The following NR3C2 variants were observed in gnomAD, a reference collection of about 807,000 sequenced individuals.
NR3C2 encodes nuclear receptor subfamily 3 group C member 2, also known as mineralocorticoid receptor.
NR3C2 carries 15 observed loss-of-function variants against 86.4 expected under a neutral mutation model. The ratio of observed to expected loss-of-function variants is 0.17; its 90% CI spans 0.12 to 0.27. NR3C2 has a LOEUF of 0.27. Ranked by LOEUF, NR3C2 falls within the 10% of genes least tolerant of loss-of-function variation. NR3C2 has a pLI of 1.00. For synonymous variants in NR3C2, 458 were observed against 450.5 expected (o/e 1.02, Z -0.21); for missense variants, 960 against 1,195.6 (o/e 0.80, Z 2.91).
intron 2 of NR3C2, among the ~76,000 whole-genome samples, chr4:148,277,495 T>A (rs1357665431): frequency 6.6e-6 from 1 of 152,106 alleles, no homozygotes; most frequent in African/African-American, 2.4e-5. Context: ...GCATGAGGAT[T>A]GCTTGAGCCC....
At chr4:148,213,201 C>T (rs1737366492) in intron 3 of NR3C2, among the ~76,000 whole-genome samples, 1 of 151,780 alleles carries the variant, frequency 6.6e-6, no homozygotes, top group Admixed American at 6.6e-5. Flanking sequence ...CAACACAGTG[C>T]CACAGCACAC....
At chr4:148,116,890 A>C (rs1168596887) in intron 7 of NR3C2, among the ~76,000 whole-genome samples, 1 of 152,250 alleles carries the variant, frequency 6.6e-6, no homozygotes, top group Non-Finnish European at 1.5e-5. Context: ...AATTAGTATC[A>C]CAAGCACTTT....
Position 148,081,171 on chromosome 4 carries a change from C to T in NR3C2, c.*173G>A, listed in dbSNP as rs1350904434. 2.3e-6 allele frequency: 2 copies of T among 869,158 alleles called. No individual in the cohort carries two copies. Among genetic ancestry groups the T allele is most frequent in the African/African-American group, 1.7e-5 (1 of 59,994 alleles). The allele number at this position is 869,158 out of a possible 1,614,324, so 53.8% of individuals were successfully genotyped here. ...TCAGACTGCTCTGGTCTCGCCAAAT[C>T]CACGGAAAAACAGCTTTCCCGGCTC... On this transcript the variant is annotated 3_prime_UTR_variant, in exon 9 of 9. Transcript: ENST00000358102.
At chr4:148,332,901 C>T (rs536033069) in intron 2 of NR3C2, among the ~76,000 whole-genome samples, 2 of 152,060 alleles carry the variant, frequency 1.3e-5, no homozygotes, top group Non-Finnish European at 2.9e-5. Context: ...ACATAAAATC[C>T]CTACTTTTCC....
chr4:148,167,002 T>C (rs1002494425), intron 4 of NR3C2, among the ~76,000 whole-genome samples: 3 of 152,194 alleles, frequency 2.0e-5, no homozygotes, highest in African/African-American at 7.2e-5. Context: ...ACAGTTTTCG[T>C]TTCTTCTCTC....
At chr4:148,105,013 G>A (rs1020595296) in intron 8 of NR3C2, among the ~76,000 whole-genome samples, 1 of 152,120 alleles carries the variant, frequency 6.6e-6, no homozygotes, top group Non-Finnish European at 1.5e-5. Context: ...AGTAAATGGT[G>A]GACATAGCCA....
chr4:148,122,052 C>A (rs13109056), intron 6 of NR3C2, among the ~76,000 whole-genome samples: 2 of 151,964 alleles, frequency 1.3e-5, no homozygotes, highest in African/African-American at 2.4e-5. Flanking sequence ...CTTCACATCC[C>A]CACCAATGAT....
At chr4:148,132,779 T>A (rs1444052878) in intron 6 of NR3C2, among the ~76,000 whole-genome samples, 5 of 152,104 alleles carry the variant, frequency 3.3e-5, no homozygotes, top group African/African-American at 1.2e-4. Context: ...CAGATTCTGG[T>A]CTCCTAACTG....
At chr4:148,333,293 A>G (rs1744317747) in intron 2 of NR3C2, among the ~76,000 whole-genome samples, 1 of 152,164 alleles carries the variant, frequency 6.6e-6, no homozygotes, top group South Asian at 2.1e-4. Flanking sequence ...AAACCTTTCT[A>G]TGTTATGAAA....
intron 2 of NR3C2, among the ~76,000 whole-genome samples, chr4:148,326,264 G>C (rs1743965833): frequency 6.6e-6 from 1 of 151,168 alleles, no homozygotes; most frequent in Non-Finnish European, 1.5e-5. Flanking sequence ...AGCCGGGCAT[G>C]GTGGCAGGTG....
intron 6 of NR3C2, among the ~76,000 whole-genome samples, chr4:148,130,840 T>TC (rs1733009367): frequency 7.9e-6 from 1 of 125,866 alleles, no homozygotes; most frequent in South Asian, 2.5e-4. Context: ...TTTTTTTTTT[T>TC]TGAGACAGAG....
At chr4:148,187,844 T>G (rs1370543565) in intron 4 of NR3C2, among the ~76,000 whole-genome samples, 3 of 152,208 alleles carry the variant, frequency 2.0e-5, no homozygotes, top group Non-Finnish European at 4.4e-5. Flanking sequence ...AGAATTTTCA[T>G]AGTTTCAGGT....
At position 148,131,917 on chromosome 4, in the gene NR3C2, C is replaced by T. The variant is rs189402858; in HGVS notation, c.2511-11629G>A. ...ATTCATGATACACAGATCAGAATAA[C>T]ATGTGACAATGTAAAAATCTAGAAG... On this transcript the variant is annotated intron_variant, in intron 6 of 8. Coordinates refer to ENST00000358102, the MANE Select transcript of NR3C2 (RefSeq NM_000901.5). 2.0e-3 allele frequency among the ~76,000 whole-genome samples: 302 copies of T among 152,276 alleles called. 1 individual carries two copies. Among genetic ancestry groups the T allele is most frequent in the African/African-American group, 7.0e-3 (291 of 41,566 alleles).
intron 3 of NR3C2, chr4:148,208,250 A>T (rs4835504): frequency 0.75 from 113,766 of 151,756 alleles, 43,661 homozygotes; most frequent in African/African-American, 0.92. Flanking sequence ...ACAGTTAGCC[A>T]CACCAAGCTC....
At chr4:148,232,615 A>G (rs1427384861) in intron 3 of NR3C2, among the ~76,000 whole-genome samples, 1 of 152,194 alleles carries the variant, frequency 6.6e-6, no homozygotes, top group Non-Finnish European at 1.5e-5. Context: ...CACCAGCTAC[A>G]TTAGCCCCTG....
intron 8 of NR3C2, among the ~76,000 whole-genome samples, chr4:148,106,114 C>T (rs1485532553): frequency 6.6e-6 from 1 of 152,026 alleles, no homozygotes; most frequent in African/African-American, 2.4e-5. Flanking sequence ...TTTAGAAAAC[C>T]CCATCATCTC....
intron 2 of NR3C2, among the ~76,000 whole-genome samples, chr4:148,394,662 G>A (rs72729990): frequency 1.3e-5 from 2 of 151,944 alleles, no homozygotes; most frequent in Non-Finnish European, 2.9e-5. Context: ...ACTGCACTTC[G>A]ACCTCAGGGA....
intron 2 of NR3C2, among the ~76,000 whole-genome samples, chr4:148,424,495 A>G (rs1749435326): frequency 6.6e-6 from 1 of 152,230 alleles, no homozygotes; most frequent in Non-Finnish European, 1.5e-5. Flanking sequence ...AAATATTTAT[A>G]TTGGCTTTAA....
rs539502352 is a variant in NR3C2 at position 148,253,170 on chromosome 4, C to T, written c.1897+6808G>A. 7.2e-5 allele frequency among the ~76,000 whole-genome samples: 11 copies of T among 152,286 alleles called. No individual in the cohort carries two copies. The South Asian group carries it at 2.3e-3, about 32-fold the overall frequency. ...CGAACCCCATTCACATAAGTAGTTA[C>T]CAACAACACATCAACCAGTGTTCTC... is the stretch of plus-strand genomic sequence containing the variant. On this transcript the variant is annotated intron_variant, in intron 3 of 8. Transcript: ENST00000358102.
Sources: allele counts gnomAD v4.1 joint callset (sites outside exome capture counted in the v4.1 genomes callset), GRCh38; gene constraint gnomAD v4.1.1; transcripts MANE v1.5; gene names NCBI Gene and HGNC (gene_info 2026-07-23, HGNC 2026-07-21).